FBN2: variants seen among roughly 807,000 people sequenced by gnomAD.
FBN2 encodes the protein fibrillin-2.
FBN2 carries 105 observed loss-of-function variants against 355.6 expected under a neutral mutation model. The observed-to-expected ratio is 0.30, with a 90% confidence interval of 0.25 to 0.35. FBN2 has a LOEUF of 0.35. Ranked by LOEUF, FBN2 falls within the 10% of genes least tolerant of loss-of-function variation. The pLI, the probability that FBN2 is intolerant of heterozygous loss-of-function variation, is 1.00. For missense variants in FBN2, 3,280 were observed against 3,758.7 expected, an observed-to-expected ratio of 0.87 and a Z score of 3.33; for synonymous variants, 1,350 against 1,301.2, an observed-to-expected ratio of 1.04 and a Z score of -0.81.
At chr5:128,291,002 A>G in intron 49 of FBN2, 118 bp from the exon 50 acceptor site, 1 of 893,422 alleles carries the variant, frequency 1.1e-6, no homozygotes, top group Non-Finnish European at 1.8e-6. Context: ...AGGTCTGGAA[A>G]TCTTCGATTG....
chr5:128,313,148 A>G (rs1431925497), intron 36 of FBN2, among the ~76,000 whole-genome samples: 3 of 152,228 alleles, frequency 2.0e-5, no homozygotes, highest in Non-Finnish European at 4.4e-5. Context: ...AGTTTATCCA[A>G]TGGTTTAGTT....
chr5:128,483,029 A>G (rs1430379324), intron 5 of FBN2, among the ~76,000 whole-genome samples: 1 of 152,220 alleles, frequency 6.6e-6, no homozygotes, highest in East Asian at 1.9e-4. Flanking sequence ...AGGAAGCTGG[A>G]GGCCATTATC....
At chr5:128,487,257 A>G (rs1755363031) in intron 5 of FBN2, among the ~76,000 whole-genome samples, 1 of 152,190 alleles carries the variant, frequency 6.6e-6, no homozygotes, top group Non-Finnish European at 1.5e-5. Context: ...CTTAGTAACT[A>G]TGATGACCAA....
intron 62 of FBN2, among the ~76,000 whole-genome samples, chr5:128,266,458 G>A (rs982878307): frequency 2.0e-5 from 3 of 152,142 alleles, no homozygotes; most frequent in East Asian, 3.9e-4. Flanking sequence ...TCCTTTGGGG[G>A]TGACTGCCTT....
chr5:128,384,866 C>G (rs2126967669), intron 11 of FBN2, among the ~76,000 whole-genome samples: 1 of 152,134 alleles, frequency 6.6e-6, no homozygotes, highest in Admixed American at 6.5e-5. Context: ...TGGAGTACAT[C>G]TTAGGATCAT....
chr5:128,484,628 CA>C (rs35562502), intron 5 of FBN2, among the ~76,000 whole-genome samples: 3 of 152,084 alleles, frequency 2.0e-5, no homozygotes, highest in Non-Finnish European at 2.9e-5. Flanking sequence ...CCTGACAGGC[CA>C]AAAAATGTGG....
chr5:128,423,454 C>T (rs1180384548), intron 7 of FBN2, among the ~76,000 whole-genome samples: 2 of 152,086 alleles, frequency 1.3e-5, no homozygotes, highest in African/African-American at 4.8e-5. Context: ...CATCAGATCT[C>T]ATAAGACTTG....
intron 7 of FBN2, among the ~76,000 whole-genome samples, chr5:128,437,998 TAAC>T (rs1415496314): frequency 1.3e-5 from 2 of 152,190 alleles, no homozygotes; most frequent in Non-Finnish European, 2.9e-5. Context: ...CAAAATGACT[TAAC>T]AACATCTCTT....
intron 25 of FBN2, among the ~76,000 whole-genome samples, chr5:128,342,123 C>T (rs1441235880): frequency 2.0e-5 from 3 of 152,128 alleles, no homozygotes; most frequent in Non-Finnish European, 4.4e-5. Flanking sequence ...GTCTGGGAGT[C>T]AGCTCAGCAG....
chr5:128,347,783 GC>G (rs961303335), intron 23 of FBN2, among the ~76,000 whole-genome samples: 1 of 80,186 alleles, frequency 1.2e-5, no homozygotes, highest in African/African-American at 4.4e-5. Context: ...ATTAAAAAAT[GC>G]TTTTTTTTTT....
Position 128,344,466 on chromosome 5 carries a change from T to G in FBN2, c.3262A>C (p.Lys1088Gln). The G allele has an allele frequency of 6.2e-7, 1 of 1,613,538 alleles. No individual in the cohort carries two copies. Among genetic ancestry groups the G allele is most frequent in the Non-Finnish European group, 8.5e-7 (1 of 1,179,500 alleles). Residue 1088 changes from lysine (K) to glutamine (Q), a missense_variant, in exon 25 of 65, where the codon AAG (lysine) becomes CAG (glutamine). By Grantham distance (53) the Lys-to-Gln change is moderately conservative. Around this residue, in one of 6 missense-constraint regions of FBN2, gnomAD observed 2,284 missense variants for 2,749.5 expected, o/e 0.83. Transcript: ENST00000262464. ...AAGCTTCCGATTGTATTTCTGCACTTCCCATAAGTGCACATCCCAGGAAAT... is the reference window on the plus strand; with the variant it reads ...AAGCTTCCGATTGTATTTCTGCACTGCCCATAAGTGCACATCCCAGGAAAT... ...KAFPGMCTYG[K>Q]CRNTIGSFKC... is the part of the protein sequence containing the mutation.
At chr5:128,263,275 T>C in intron 63 of FBN2, 150 bp downstream of exon 63, 1 of 689,992 alleles carries the variant, frequency 1.4e-6, no homozygotes, top group Non-Finnish European at 2.6e-6. Flanking sequence ...GTGTGCTTTC[T>C]TGGTATTTAT....
chr5:128,416,132 T>C (rs1488470162), intron 7 of FBN2, among the ~76,000 whole-genome samples: 1 of 151,980 alleles, frequency 6.6e-6, no homozygotes, highest in Non-Finnish European at 1.5e-5. Flanking sequence ...TTCAAGCAAT[T>C]CTCCTGCTTC....
At chr5:128,328,148 T>G (rs153993) in intron 34 of FBN2, 1 of 175,220 alleles carries the variant, frequency 5.7e-6, no homozygotes, top group Non-Finnish European at 1.2e-5. Flanking sequence ...GATATCATAC[T>G]AGGCACAAAG....
chr5:128,289,717 A>G (rs573016630), intron 51 of FBN2, among the ~76,000 whole-genome samples, 165 bp downstream of exon 51: 1 of 152,316 alleles, frequency 6.6e-6, no homozygotes, highest in East Asian at 1.9e-4. Flanking sequence ...ATATAATCTT[A>G]TGATATATGT....
intron 33 of FBN2, 50 bp downstream of exon 33, chr5:128,330,523 G>A (rs1223218861): frequency 6.2e-7 from 1 of 1,602,544 alleles, no homozygotes. Flanking sequence ...GAAGCATATA[G>A]AGTGTTCTAT....
At chr5:128,519,129 T>TCTTA in intron 5 of FBN2, 144 bp downstream of exon 5, 1 of 714,918 alleles carries the variant, frequency 1.4e-6, no homozygotes, top group Admixed American at 2.2e-5. Context: ...TGTCTCAAAA[T>TCTTA]CTTACCATTC....
At chr5:128,385,724 C>T (rs1416702439) in intron 11 of FBN2, among the ~76,000 whole-genome samples, 1 of 152,024 alleles carries the variant, frequency 6.6e-6, no homozygotes, top group African/African-American at 2.4e-5. Flanking sequence ...TTTTTAATAA[C>T]AGCCATTTTG....
rs141291125 is a variant in FBN2, at chr5:128,374,670, G to A, written c.2053C>T (p.Pro685Ser). ...NSEGSFRCDC[P>S]PGLAVGMDGR... Reference sequence around the variant, plus strand: ...TCCATGCCCACAGCCAGGCCTGGGGGACAGTCACAGCGGAAGGACCCTTCA... The same window carrying A: ...TCCATGCCCACAGCCAGGCCTGGGGAACAGTCACAGCGGAAGGACCCTTCA... Residue 685 changes from proline to serine, a missense_variant, in exon 15 of 65, where the codon CCC becomes TCC. This residue lies in a region of FBN2 where 2,284 missense variants were observed against 2,749.5 expected (regional missense o/e 0.83). Transcript: ENST00000262464. The A allele has an allele frequency of 6.8e-6, 11 of 1,613,872 alleles. No homozygotes were observed. Among genetic ancestry groups the A allele is most frequent in the Non-Finnish European group, 8.5e-6 (10 of 1,179,930 alleles).
Sources: gnomAD v4.1 joint callset for allele counts (sites outside exome capture counted in the v4.1 genomes callset) on GRCh38, gnomAD v4.1.1 for gene constraint, gnomAD v4.1.1 regional missense constraint, MANE v1.5 for transcripts, NCBI Gene and HGNC (gene_info 2026-07-23, HGNC 2026-07-21) for gene names.